TMEM19: variants seen among roughly 807,000 people sequenced by gnomAD.
TMEM19 encodes transmembrane protein 19.
In TMEM19, 21 loss-of-function variants were observed where a neutral mutation model predicts 33.6. That is an observed-to-expected ratio of 0.62 (90% CI 0.44 to 0.90). The LOEUF is 0.90. TMEM19 is among the 40% of genes least tolerant of loss of function. TMEM19 has a pLI of 0.00. For synonymous variants in TMEM19, 149 were observed against 147.5 expected (o/e 1.01, Z -0.07); for missense variants, 402 against 401.8 (o/e 1.00, Z 0.00).
rs571244827 is a variant in TMEM19, at chr12:71,698,208, C to T, written c.637+674C>T. ...TTCGTCCCCTTCTTTTCTTTCTACC[C>T]ATCCTATCCCCCATCATCACCTTCT... On this transcript the variant is annotated intron_variant, in intron 4 of 5. Transcript: ENST00000266673. Among the ~76,000 whole-genome samples, 7 of 152,174 alleles carry T rather than the reference C, an allele frequency of 4.6e-5. No individual in the cohort carries two copies. In the South Asian group the frequency reaches 1.2e-3, roughly 27 times the overall value.
At chr12:71,698,624 A>G (rs1041268909) in intron 4 of TMEM19, among the ~76,000 whole-genome samples, 87 of 124,260 alleles carry the variant, frequency 7.0e-4, no homozygotes, top group African/African-American at 4.1e-3. Flanking sequence ...AGAGAGAGAG[A>G]GAGAGAGAGA....
Position 71,704,263 on chromosome 12 carries a change from C to T in TMEM19, c.*3268C>T, listed in dbSNP as rs1292212194. The T allele has an allele frequency of 5.4e-6, 1 of 186,560 alleles. No individual in the cohort carries two copies. Among genetic ancestry groups the T allele is most frequent in the Admixed American group, 5.6e-5 (1 of 17,944 alleles). The allele number at this position is 186,560 out of a possible 1,614,324, so 11.6% of individuals were successfully genotyped here. A position where few individuals can be genotyped will look rare whatever the true frequency, so the allele number is the denominator to read the frequency against. On this transcript the variant is annotated 3_prime_UTR_variant, in exon 6 of 6. Transcript: ENST00000266673. ...TGAGTTATCTGTTTCTCACATATAT[C>T]TTTCCTGTTTCTAGCTGCTGTACAC...
intron 2 of TMEM19, among the ~76,000 whole-genome samples, chr12:71,695,700 T>A (rs1378200642): frequency 6.6e-6 from 1 of 152,174 alleles, no homozygotes; most frequent in Non-Finnish European, 1.5e-5. Context: ...CCCTGACTTT[T>A]TACAGCAAGC....
chr12:71,700,107 C>T (rs570593353), intron 5 of TMEM19, among the ~76,000 whole-genome samples: 31 of 152,328 alleles, frequency 2.0e-4, no homozygotes, highest in South Asian at 1.4e-3. Flanking sequence ...CTTCCTCCCC[C>T]TCTCCATCAG....
intron 2 of TMEM19, among the ~76,000 whole-genome samples, chr12:71,693,277 G>C (rs896841291): frequency 2.0e-5 from 3 of 151,942 alleles, no homozygotes; most frequent in Non-Finnish European, 2.9e-5. Context: ...GCTTAGTGCA[G>C]CCTTGAATTC....
Position 71,697,333 on chromosome 12 carries a change from C to A in TMEM19, c.436C>A (p.Leu146Met), listed in dbSNP as rs1881891683. 1.9e-6 allele frequency: 3 copies of A among 1,610,676 alleles called. No homozygotes were observed. Among genetic ancestry groups the A allele is most frequent in the South Asian group, 2.2e-5 (2 of 90,246 alleles). The part of the protein sequence containing the change: ...VFCNGAVPTE[L>M]ALLYMIENGP... ...CTGTAATGGAGCTGTACCCACAGAA[C>A]TGGCCCTGCTGTACATGATAGAAAA... Residue 146 changes from leucine (L) to methionine (M), a missense_variant, in exon 4 of 6, where the codon CTG becomes ATG. Physicochemically the swap from Leu to Met is conservative, Grantham distance 15. Transcript: ENST00000266673.
intron 1 of TMEM19, among the ~76,000 whole-genome samples, chr12:71,689,058 A>G (rs1490945282): frequency 6.6e-6 from 1 of 152,238 alleles, no homozygotes; most frequent in Non-Finnish European, 1.5e-5. Context: ...AAACTTGGAC[A>G]TAACCTATTT....
rs117744328 is a variant in TMEM19, at chr12:71,694,408, C to T, written c.245-2028C>T. On this transcript the variant is annotated intron_variant, in intron 2 of 5. Transcript: ENST00000266673. ...ACTATACTTTGGGTCTGGTTTCAGT[C>T]TTTCTGAAGTAGAAGCCTCACTCTG... Among the ~76,000 whole-genome samples, 44 of 152,330 alleles carry T rather than the reference C, an allele frequency of 2.9e-4. No individual in the cohort carries two copies. In the East Asian group the frequency reaches 8.1e-3, roughly 28 times the overall value.
At chr12:71,696,614 T>G in intron 3 of TMEM19, 41 bp downstream of exon 3, 1 of 1,500,510 alleles carries the variant, frequency 6.7e-7, no homozygotes, top group Non-Finnish European at 8.9e-7. Flanking sequence ...GTAAACTTCA[T>G]TTAATCCTAA....
intron 2 of TMEM19, among the ~76,000 whole-genome samples, chr12:71,692,215 G>T (rs914432527): frequency 1.3e-5 from 2 of 152,114 alleles, no homozygotes; most frequent in African/African-American, 2.4e-5. Flanking sequence ...TATTAAATTG[G>T]CATTGCCACA....
chr12:71,696,079 G>T (rs1024700293), intron 2 of TMEM19, among the ~76,000 whole-genome samples: 22 of 152,218 alleles, frequency 1.4e-4, no homozygotes, highest in African/African-American at 5.3e-4. Flanking sequence ...CACTTTAGGA[G>T]GCCAATGCTG....
At position 71,686,789 on chromosome 12, in the gene TMEM19, A is replaced by G. The variant is rs1392862917; in HGVS notation, c.109A>G (p.Met37Val). Residue 37 changes from methionine (M) to valine (V), a missense_variant, in exon 1 of 6, where the codon ATG becomes GTG. Coordinates refer to ENST00000266673, the MANE Select transcript of TMEM19 (RefSeq NM_018279.4). ...CISLAFWIIS[M>V]TASTYYGNLR... Reference sequence around the variant, plus strand: ...TTCGTTAGCTTTCTGGATTATATCAATGACTGCAAGCACCTATTATGGTAA... The same window carrying G: ...TTCGTTAGCTTTCTGGATTATATCAGTGACTGCAAGCACCTATTATGGTAA... 1 of 1,611,954 alleles carries G rather than the reference A, an allele frequency of 6.2e-7. No individual in the cohort carries two copies. The highest frequency in any genetic ancestry group is 8.5e-7 in the Non-Finnish European group (1 of 1,179,590).
chr12:71,701,096 G>T lies in TMEM19; in HGVS notation c.*101G>T. The T allele has an allele frequency of 8.1e-7, 1 of 1,230,052 alleles. No individual in the cohort carries two copies. The highest frequency in any genetic ancestry group is 1.1e-6 in the Non-Finnish European group (1 of 907,568). The allele number at this position is 1,230,052 out of a possible 1,614,324, so 76.2% of individuals were successfully genotyped here. On this transcript the variant is annotated 3_prime_UTR_variant, in exon 6 of 6. Transcript: ENST00000266673. ...ATAACTGTAATGGCAAAGCGGAAAT[G>T]CCAGTTCCTCCTGTATTCCATTGAG...
intron 5 of TMEM19, 80 bp downstream of exon 5, chr12:71,699,189 A>T (rs762523663): frequency 1.3e-6 from 2 of 1,482,288 alleles, no homozygotes; most frequent in African/African-American, 2.8e-5. Context: ...GTTAACAATG[A>T]AAACAAATCC....
intron 2 of TMEM19, among the ~76,000 whole-genome samples, chr12:71,690,822 CTTAT>C (rs1206278274): frequency 6.6e-6 from 1 of 152,024 alleles, no homozygotes; most frequent in Non-Finnish European, 1.5e-5. Flanking sequence ...ATTTTAGAGG[CTTAT>C]TTGAGAGTAA....
At chr12:71,698,033 G>A (rs1018605945) in intron 4 of TMEM19, among the ~76,000 whole-genome samples, 1 of 152,092 alleles carries the variant, frequency 6.6e-6, no homozygotes, top group Non-Finnish European at 1.5e-5. Flanking sequence ...TTTCAGATTC[G>A]GGATGTTCAA....
Position 71,703,746 on chromosome 12 carries a change from C to A in TMEM19, c.*2751C>A. On this transcript the variant is annotated 3_prime_UTR_variant, in exon 6 of 6. Transcript: ENST00000266673. Reference sequence around the variant, plus strand: ...TTTTTGTGGTGATTTATGAACATCCCCACTAAGTATAACTAAAGATCATAA... The same window carrying A: ...TTTTTGTGGTGATTTATGAACATCCACACTAAGTATAACTAAAGATCATAA... 5.1e-6 allele frequency: 1 copy of A among 197,848 alleles called. No homozygotes were observed. 12.3% of individuals were successfully genotyped at this position (197,848 alleles called of 1,614,324 possible).
rs545807734 is a variant in TMEM19, at chr12:71,700,975, G to C, written c.991G>C (p.Gly331Arg). Residue 331 changes from glycine (G) to arginine (R), a missense_variant, in exon 6 of 6, where the codon GGT becomes CGT. Transcript: ENST00000266673. ...CCTCTTGCTCCCAACTGCTGCTTGG[G>C]GTTTTTGGCCCAGGGGGTGAACTTT... ...IALLLPTAAW[G>R]FWPRG 1.2e-6 allele frequency: 2 copies of C among 1,610,984 alleles called. No individual in the cohort carries two copies. Among genetic ancestry groups the C allele is most frequent in the South Asian group, 2.2e-5 (2 of 90,580 alleles).
intron 5 of TMEM19, 170 bp downstream of exon 5, chr12:71,699,279 T>A: frequency 1.5e-6 from 1 of 669,606 alleles, no homozygotes; most frequent in Non-Finnish European, 2.5e-6. Context: ...TCTTTTGTAT[T>A]AAATTAATTG....
Sources: gnomAD v4.1 joint callset for allele counts (sites outside exome capture counted in the v4.1 genomes callset) on GRCh38, gnomAD v4.1.1 for gene constraint, MANE v1.5 for transcripts, NCBI Gene and HGNC (gene_info 2026-07-23, HGNC 2026-07-21) for gene names.